The following TTC27 variants were observed in gnomAD, a reference collection of about 807,000 sequenced individuals.
TTC27 encodes the protein tetratricopeptide repeat domain 27.
A neutral mutation model predicts 115.9 loss-of-function variants in TTC27; 79 were observed. The observed-to-expected ratio is 0.68, with a 90% CI of 0.57 to 0.82. The LOEUF (loss-of-function observed/expected upper bound fraction) is 0.82, where lower values mean the gene tolerates loss of function less well. Among genes scored for constraint, TTC27 ranks in the 40% least tolerant of loss-of-function variants. The pLI is 0.00. For missense variants in TTC27, 1,054 were observed against 993.1 expected (o/e 1.06, Z -0.82); for synonymous variants, 401 against 356.0 (o/e 1.13, Z -1.42).
intron 12 of TTC27, among the ~76,000 whole-genome samples, chr2:32,743,165 C>G: frequency 6.6e-6 from 1 of 152,120 alleles, no homozygotes. Flanking sequence ...TCCTAATATA[C>G]TGACCAGTTG....
At chr2:32,716,987 C>A (rs1378269703) in intron 10 of TTC27, among the ~76,000 whole-genome samples, 1 of 147,792 alleles carries the variant, frequency 6.8e-6, no homozygotes, top group Non-Finnish European at 1.5e-5. Context: ...AGCCACTACA[C>A]CTGGCTCAGA....
intron 7 of TTC27, among the ~76,000 whole-genome samples, chr2:32,669,898 A>AG (rs1241223115): frequency 2.0e-5 from 3 of 151,030 alleles, no homozygotes; most frequent in East Asian, 1.9e-4. Flanking sequence ...AAAAAAAAAA[A>AG]AAAGAAAAGA....
chr2:32,765,570 C>T (rs949036259), intron 13 of TTC27, among the ~76,000 whole-genome samples: 8 of 152,090 alleles, frequency 5.3e-5, no homozygotes, highest in Non-Finnish European at 4.4e-5. Flanking sequence ...GTATTAGCCC[C>T]TAATAGGAGA....
At chr2:32,740,262 T>C (rs895032477) in intron 12 of TTC27, among the ~76,000 whole-genome samples, 1 of 152,210 alleles carries the variant, frequency 6.6e-6, no homozygotes, top group Non-Finnish European at 1.5e-5. Flanking sequence ...GGGACCTCTC[T>C]TGTTTTCTCT....
chr2:32,802,721 A>T (rs1216600429), intron 16 of TTC27, among the ~76,000 whole-genome samples: 2 of 151,984 alleles, frequency 1.3e-5, no homozygotes, highest in Non-Finnish European at 2.9e-5. Context: ...TTCTTTGCAG[A>T]CTCATCCTCA....
intron 9 of TTC27, among the ~76,000 whole-genome samples, chr2:32,686,777 C>T (rs1259507484): frequency 1.3e-5 from 2 of 152,128 alleles, no homozygotes; most frequent in Non-Finnish European, 2.9e-5. Flanking sequence ...TGATCAAAGG[C>T]AGAAAGATTC....
At position 32,812,604 on chromosome 2, in the gene TTC27, G is replaced by T; in HGVS notation, c.2297G>T (p.Gly766Val). 1 of 1,611,732 alleles carries T rather than the reference G, an allele frequency of 6.2e-7. No homozygotes were observed. Among genetic ancestry groups the T allele is most frequent in the South Asian group, 1.1e-5 (1 of 91,014 alleles). The change falls in exon 18 of 20, where the codon GGA becomes GTA. Residue 766 changes from glycine to valine, a missense_variant. By Grantham distance (109) the Gly-to-Val change is moderately radical. Transcript: ENST00000317907. Reference sequence around the variant, plus strand: ...AAGGAAGTTGTTCAAAGAGCCTTAGGACTTGCACATGGTATTTGATGTAAC... The same window carrying T: ...AAGGAAGTTGTTCAAAGAGCCTTAGTACTTGCACATGGTATTTGATGTAAC... ...SFKEVVQRAL[G>V]LAHVAIKCSK...
chr2:32,787,564 A>G (rs572227725), intron 16 of TTC27, among the ~76,000 whole-genome samples: 1 of 152,316 alleles, frequency 6.6e-6, no homozygotes, highest in South Asian at 2.1e-4. Context: ...TATGAACAAT[A>G]TATAGAGGAT....
At chr2:32,706,077 C>CTTTTTTTTTTTT (rs148953090) in intron 10 of TTC27, among the ~76,000 whole-genome samples, 2 of 53,230 alleles carry the variant, frequency 3.8e-5, no homozygotes, top group Non-Finnish European at 6.3e-5. Flanking sequence ...TTACCTTACT[C>CTTTTTTTTTTTT]TTTTTTTTTT....
At chr2:32,725,160 G>A (rs554534249) in intron 10 of TTC27, among the ~76,000 whole-genome samples, 11 of 152,164 alleles carry the variant, frequency 7.2e-5, no homozygotes, top group South Asian at 2.1e-4. Flanking sequence ...CAGACAAACC[G>A]TATTATTTCA....
chr2:32,723,093 A>G (rs1199663280), intron 10 of TTC27, among the ~76,000 whole-genome samples: 1 of 152,176 alleles, frequency 6.6e-6, no homozygotes, highest in Non-Finnish European at 1.5e-5. Context: ...AGTAGGTAAT[A>G]ATAAAGGAAT....
Position 32,757,859 on chromosome 2 carries a change from G to A in TTC27, c.1453-433G>A, listed in dbSNP as rs534072739. Among the ~76,000 whole-genome samples the A allele has an allele frequency of 1.6e-3, 236 of 152,104 alleles. 1 individual carries two copies. The highest frequency in any genetic ancestry group is 5.4e-3 in the African/African-American group (226 of 41,508). On this transcript the variant is annotated intron_variant, in intron 12 of 19. Coordinates refer to ENST00000317907, the MANE Select transcript of TTC27 (RefSeq NM_017735.5). ...ATTACAGGCAGGCACCTGCCACCAC[G>A]CCCGGCTAATTTTTGTATTTTTAGT...
intron 10 of TTC27, among the ~76,000 whole-genome samples, chr2:32,719,507 G>C (rs1031229511): frequency 1.7e-4 from 26 of 152,180 alleles, no homozygotes; most frequent in African/African-American, 6.0e-4. Flanking sequence ...CAGCTCATCA[G>C]AATTGCCTTC....
chr2:32,773,554 G>A (rs902780867), intron 13 of TTC27, among the ~76,000 whole-genome samples: 5 of 152,182 alleles, frequency 3.3e-5, no homozygotes, highest in African/African-American at 7.2e-5. Context: ...CAGAGAGGAC[G>A]TGGTCTTTGG....
At chr2:32,774,570 T>C (rs888990479) in intron 13 of TTC27, among the ~76,000 whole-genome samples, 5 of 152,208 alleles carry the variant, frequency 3.3e-5, no homozygotes, top group African/African-American at 9.6e-5. Flanking sequence ...CCCAAACATA[T>C]ACAACTATGT....
intron 4 of TTC27, among the ~76,000 whole-genome samples, chr2:32,644,206 G>A (rs1572469743): frequency 2.8e-5 from 4 of 143,124 alleles, no homozygotes; most frequent in Non-Finnish European, 4.6e-5. Context: ...AAAAAAATTA[G>A]CCAGGCATGG....
At chr2:32,763,899 A>G (rs553239098) in intron 13 of TTC27, among the ~76,000 whole-genome samples, 3 of 152,324 alleles carry the variant, frequency 2.0e-5, no homozygotes, top group African/African-American at 7.2e-5. Context: ...AAATCTGACC[A>G]AATCTCCCAG....
chr2:32,786,500 GT>G (rs979897588), intron 15 of TTC27, among the ~76,000 whole-genome samples: 1 of 152,074 alleles, frequency 6.6e-6, no homozygotes, highest in African/African-American at 2.4e-5. Context: ...TTGACTGAAG[GT>G]TTTTTTCTCA....
At chr2:32,809,217 C>T (rs1477251935) in intron 16 of TTC27, among the ~76,000 whole-genome samples, 4 of 152,226 alleles carry the variant, frequency 2.6e-5, no homozygotes, top group Admixed American at 1.3e-4. Flanking sequence ...TAGGAGGAGA[C>T]AGCAAGATCT....
Sources: allele counts gnomAD v4.1 joint callset (sites outside exome capture counted in the v4.1 genomes callset), GRCh38; gene constraint gnomAD v4.1.1; transcripts MANE v1.5; gene names NCBI Gene and HGNC (gene_info 2026-07-23, HGNC 2026-07-21).